NGLY1: variants seen among roughly 807,000 people sequenced by gnomAD.
NGLY1 encodes N-glycanase 1, also known as peptide-N(4)-(N-acetyl-beta-glucosaminyl)asparagine amidase.
Under a neutral mutation model 84.6 loss-of-function variants are expected in NGLY1, and 68 were observed. That is an observed-to-expected ratio of 0.80 (90% CI 0.66 to 0.98). The LOEUF is 0.98. Ranked by LOEUF, NGLY1 falls within the 50% of genes least tolerant of loss-of-function variation. NGLY1 has a pLI of 0.00. For synonymous variants in NGLY1, 280 were observed against 275.2 expected (o/e 1.02, Z -0.17); for missense variants, 779 against 770.2 (o/e 1.01, Z -0.14).
chr3:25,754,803 TTTG>T, intron 3 of NGLY1: 1 of 433,142 alleles, frequency 2.3e-6, no homozygotes, highest in South Asian at 2.9e-5. Context: ...TTTTTTTTTT[TTTG>T]ATACGAGCAA....
intron 4 of NGLY1, among the ~76,000 whole-genome samples, chr3:25,747,687 T>A (rs1706508794): frequency 6.6e-6 from 1 of 152,138 alleles, no homozygotes; most frequent in Admixed American, 6.5e-5. Context: ...GTGACTTTTC[T>A]TGGACCCATT....
chr3:25,736,083 T>C lies in NGLY1; in HGVS notation c.1070A>G (p.Asp357Gly), dbSNP rs761765312. The change falls in exon 7 of 12, where the codon GAT becomes GGT. Residue 357 changes from aspartate to glycine, a missense_variant. Coordinates refer to ENST00000280700, the MANE Select transcript of NGLY1 (RefSeq NM_018297.4). ...ATAAAGGAGTGGCTTGTCACAGACA[T>C]CTTCACATGCATCACAGTGCAGCCA... Reference protein sequence around the residue: ...QRWLHCDACEDVCDKPLLYEI... With the variant: ...QRWLHCDACEGVCDKPLLYEI... 3 of 1,613,770 alleles carry C rather than the reference T, an allele frequency of 1.9e-6. No homozygotes were observed. Among genetic ancestry groups the C allele is most frequent in the Non-Finnish European group, 2.5e-6 (3 of 1,179,934 alleles).
rs750733471 is a variant in NGLY1, at chr3:25,751,269, AG to A, written c.493-7del. ...ATGGCTGAGTCAGCAGCAACCTAAT[AG>A]GAAAAAAAAAAACTGAAATTAACTT... On this transcript the variant is annotated splice_region_variant and splice_polypyrimidine_tract_variant and intron_variant, in intron 3 of 11. Transcript: ENST00000280700. 1.3e-6 allele frequency: 2 copies of A among 1,517,562 alleles called. No individual in the cohort carries two copies. Among genetic ancestry groups the A allele is most frequent in the South Asian group, 1.3e-5 (1 of 75,088 alleles). 94.0% of individuals were successfully genotyped at this position (1,517,562 alleles called of 1,614,324 possible). A position where few individuals can be genotyped will look rare whatever the true frequency, so the allele number is the denominator to read the frequency against.
chr3:25,770,825 A>G (rs1707858151), intron 2 of NGLY1, among the ~76,000 whole-genome samples: 1 of 152,110 alleles, frequency 6.6e-6, no homozygotes, highest in South Asian at 2.1e-4. Context: ...ACATTTTTTC[A>G]TGTTTATTGG....
chr3:25,786,125 G>A (rs1708596586), upstream of NGLY1, among the ~76,000 whole-genome samples: 2 of 152,106 alleles, frequency 1.3e-5, no homozygotes, highest in South Asian at 2.1e-4. Flanking sequence ...CCAATCGTGG[G>A]GAAAATTTAC....
intron 4 of NGLY1, among the ~76,000 whole-genome samples, chr3:25,746,253 T>C (rs1706422437): frequency 6.6e-6 from 1 of 152,182 alleles, no homozygotes; most frequent in South Asian, 2.1e-4. Context: ...CCCAATCCCT[T>C]AGTATGTATT....
At chr3:25,762,132 T>C (rs528013272) in intron 3 of NGLY1, among the ~76,000 whole-genome samples, 1 of 152,180 alleles carries the variant, frequency 6.6e-6, no homozygotes, top group Non-Finnish European at 1.5e-5. Flanking sequence ...TACATCGACA[T>C]TTTACTTGAT....
At chr3:25,774,196 C>A (rs1708038732) in intron 2 of NGLY1, among the ~76,000 whole-genome samples, 1 of 152,144 alleles carries the variant, frequency 6.6e-6, no homozygotes, top group South Asian at 2.1e-4. Flanking sequence ...TTTCTTGGGG[C>A]AGAGTTGTTC....
At chr3:25,722,152 A>G (rs910769107) in intron 10 of NGLY1, among the ~76,000 whole-genome samples, 2 of 151,762 alleles carry the variant, frequency 1.3e-5, no homozygotes, top group African/African-American at 2.4e-5. Context: ...AGGGAGGCAG[A>G]GGTTGCAGTG....
rs940994961 is a variant in NGLY1, at chr3:25,742,809, T to C, written c.659-3010A>G. Among the ~76,000 whole-genome samples, 11 of 141,192 alleles carry C rather than the reference T, an allele frequency of 7.8e-5. No individual in the cohort carries two copies. In the Admixed American group the frequency reaches 8.6e-4, roughly 11 times the overall value. 92.6% of individuals were successfully genotyped at this position (141,192 alleles called of 152,430 possible). On this transcript the variant is annotated intron_variant, in intron 4 of 11. Coordinates refer to ENST00000280700, the MANE Select transcript of NGLY1 (RefSeq NM_018297.4). The stretch of plus-strand genomic sequence containing the variant: ...TGTTCTTTCAGCTGGCTCCCCGTCG[T>C]AGGCTAAAAAATGGCCCTCAGAGGA...
chr3:25,750,011 T>C, intron 4 of NGLY1: 2 of 534,580 alleles, frequency 3.7e-6, no homozygotes, highest in South Asian at 2.1e-5. Context: ...TTTGTTCTTA[T>C]GCTGCTATGA....
At chr3:25,743,547 T>C (rs911439855) in intron 4 of NGLY1, among the ~76,000 whole-genome samples, 7 of 147,526 alleles carry the variant, frequency 4.7e-5, no homozygotes, top group African/African-American at 7.3e-5. Flanking sequence ...TGTTCTCCCA[T>C]TGGTCTTCCT....
intron 10 of NGLY1, among the ~76,000 whole-genome samples, chr3:25,728,715 A>C (rs1705385868): frequency 1.3e-5 from 2 of 152,122 alleles, no homozygotes; most frequent in South Asian, 4.1e-4. Context: ...ACTTTGAACT[A>C]AATCTATTAT....
At chr3:25,730,001 C>T (rs1199532950) in intron 9 of NGLY1, 4 of 152,070 alleles carry the variant, frequency 2.6e-5, no homozygotes, top group African/African-American at 7.2e-5. Context: ...CTTTCTCATC[C>T]TGAGTCCTCA....
At position 25,783,356 on chromosome 3, in the gene NGLY1, G is replaced by C. The variant is rs755653950; in HGVS notation, c.35C>G (p.Ser12Trp). ...GAGCTCAGCCACGGCCGGGGACGCCGAGCCTGAGGAGCTGCCCAATGCCGC... is the reference window on the plus strand; with the variant it reads ...GAGCTCAGCCACGGCCGGGGACGCCCAGCCTGAGGAGCTGCCCAATGCCGC... ...AAAALGSSSG[S>W]ASPAVAELCQ... Residue 12 changes from serine (S) to tryptophan (W), a missense_variant, in exon 1 of 12, where the codon TCG becomes TGG. Coordinates refer to ENST00000280700, the MANE Select transcript of NGLY1 (RefSeq NM_018297.4). The surrounding 1 kb of genome is among the most constrained non-coding windows in gnomAD (Gnocchi z 4.5). 6.4e-6 allele frequency: 10 copies of C among 1,563,276 alleles called. No individual in the cohort carries two copies. The South Asian group carries it at 9.3e-5, about 15-fold the overall frequency.
intron 4 of NGLY1, chr3:25,749,930 A>G: frequency 1.6e-6 from 1 of 631,322 alleles, no homozygotes; most frequent in Admixed American, 3.2e-5. Context: ...TTTAAATAAA[A>G]CTGTAAAAAC....
At chr3:25,784,270 C>T (rs552834954), upstream of NGLY1, 2 of 152,224 alleles carry the variant, frequency 1.3e-5, no homozygotes, top group Admixed American at 1.3e-4. Context: ...CCATAGGTTG[C>T]GACATAATAA....
At chr3:25,779,907 C>T (rs781295652) in intron 1 of NGLY1, among the ~76,000 whole-genome samples, 1 of 152,076 alleles carries the variant, frequency 6.6e-6, no homozygotes, top group African/African-American at 2.4e-5. Flanking sequence ...CAGATTGGTG[C>T]TAATCTACAA....
chr3:25,725,725 G>C (rs1705218500), intron 10 of NGLY1, among the ~76,000 whole-genome samples: 1 of 152,004 alleles, frequency 6.6e-6, no homozygotes, highest in Non-Finnish European at 1.5e-5. Context: ...AGAGGTCTGA[G>C]TTGATTGTTG....
Sources: gnomAD v4.1 joint callset for allele counts (sites outside exome capture counted in the v4.1 genomes callset) on GRCh38, gnomAD v4.1.1 for gene constraint, Gnocchi (gnomAD v3.1) non-coding constraint, MANE v1.5 for transcripts, NCBI Gene and HGNC (gene_info 2026-07-23, HGNC 2026-07-21) for gene names.